Variants in ARHGEF3 observed in about 807,000 individuals in gnomAD.
The protein encoded by ARHGEF3 is Rho guanine nucleotide exchange factor 3.
A neutral mutation model predicts 63.2 loss-of-function variants in ARHGEF3; 28 were observed. The observed-to-expected ratio is 0.44, with a 90% CI of 0.33 to 0.61. The LOEUF (loss-of-function observed/expected upper bound fraction) is 0.61. Ranked by LOEUF, ARHGEF3 falls within the 20% of genes least tolerant of loss-of-function variation. The pLI is 0.03. For synonymous variants in ARHGEF3, 266 were observed against 254.2 expected (o/e 1.05, Z -0.44); for missense variants, 533 against 659.3 (o/e 0.81, Z 2.10).
chr3:56,897,946 T>C (rs1030008280), intron 3 of ARHGEF3, among the ~76,000 whole-genome samples: 2 of 152,070 alleles, frequency 1.3e-5, no homozygotes, highest in Non-Finnish European at 2.9e-5. Flanking sequence ...AGTGGTGGCA[T>C]CATAGCTCAC....
chr3:57,056,922 C>T (rs1397222701), intron 1 of ARHGEF3, among the ~76,000 whole-genome samples: 6 of 152,028 alleles, frequency 3.9e-5, no homozygotes, highest in African/African-American at 1.4e-4. Flanking sequence ...TGGCCTTGAC[C>T]ATGCAGGTCT....
At chr3:56,847,054 G>A (rs922246880) in intron 4 of ARHGEF3, among the ~76,000 whole-genome samples, 1 of 152,208 alleles carries the variant, frequency 6.6e-6, no homozygotes, top group Non-Finnish European at 1.5e-5. Flanking sequence ...CAGAGGCTCA[G>A]AGAGGTTTAA....
intron 4 of ARHGEF3, among the ~76,000 whole-genome samples, chr3:56,829,101 T>C (rs1578621953): frequency 6.6e-6 from 1 of 152,072 alleles, no homozygotes; most frequent in African/African-American, 2.4e-5. Context: ...AAGTTTTGTA[T>C]TTTTAGTAAA....
chr3:56,772,177 T>G lies in ARHGEF3; in HGVS notation c.204+1532A>C, dbSNP rs573999242. 2.6e-5 allele frequency among the ~76,000 whole-genome samples: 4 copies of G among 152,148 alleles called. No homozygotes were observed. The East Asian group carries it at 7.7e-4, about 29-fold the overall frequency. ...GCTGAGAGAAACAGACCCAAACCTA[T>G]AGCTAATTACGTGAGGTATTCATTC... On this transcript the variant is annotated intron_variant, in intron 2 of 9. Transcript: ENST00000296315.
At position 56,745,544 on chromosome 3, in the gene ARHGEF3, G is replaced by A. The variant is rs1283722059; in HGVS notation, c.613-82C>T. 4 of 1,487,840 alleles carry A rather than the reference G, an allele frequency of 2.7e-6. No individual in the cohort carries two copies. The African/African-American group carries it at 5.6e-5, about 21-fold the overall frequency. The allele number at this position is 1,487,840 out of a possible 1,614,324, so 92.2% of individuals were successfully genotyped here. Reference sequence around the variant, plus strand: ...TACGGTGGCATCATTTATTGGGACTGAACAAACACCTAACTGGTCTCTGGG... The same window carrying A: ...TACGGTGGCATCATTTATTGGGACTAAACAAACACCTAACTGGTCTCTGGG... On this transcript the variant is annotated intron_variant, in intron 6 of 9. Coordinates refer to ENST00000296315, the MANE Select transcript of ARHGEF3 (RefSeq NM_019555.3).
intron 2 of ARHGEF3, among the ~76,000 whole-genome samples, chr3:57,025,034 G>A (rs565312607): frequency 6.6e-6 from 1 of 152,300 alleles, no homozygotes; most frequent in South Asian, 2.1e-4. Flanking sequence ...GGAACTGGAG[G>A]ACCAAGGTAA....
At chr3:56,985,368 C>T (rs959143239) in intron 2 of ARHGEF3, among the ~76,000 whole-genome samples, 3 of 152,244 alleles carry the variant, frequency 2.0e-5, no homozygotes, top group South Asian at 4.1e-4. Flanking sequence ...GGATTGCAGG[C>T]GTGAGCCACC....
At chr3:56,967,065 G>T (rs1352756989) in intron 2 of ARHGEF3, among the ~76,000 whole-genome samples, 1 of 148,412 alleles carries the variant, frequency 6.7e-6, no homozygotes, top group East Asian at 2.0e-4. Context: ...ATTTCTCCAT[G>T]TTGGTCAGGT....
chr3:56,952,640 T>C (rs1193078595), intron 3 of ARHGEF3, among the ~76,000 whole-genome samples: 2 of 152,210 alleles, frequency 1.3e-5, no homozygotes, highest in African/African-American at 2.4e-5. Context: ...AAGTAATATA[T>C]GCGTAAAATG....
chr3:56,876,708 A>C (rs1201587586), intron 4 of ARHGEF3, among the ~76,000 whole-genome samples: 1 of 152,118 alleles, frequency 6.6e-6, no homozygotes. Flanking sequence ...GAAGAATGTG[A>C]ATCCCAATCC....
At chr3:56,778,712 T>A (rs932730047) in intron 1 of ARHGEF3, among the ~76,000 whole-genome samples, 3 of 152,134 alleles carry the variant, frequency 2.0e-5, no homozygotes, top group African/African-American at 7.2e-5. Context: ...TTTTAAAAAT[T>A]TTTTTAGAGA....
At chr3:56,810,107 T>G (rs2038012236) in intron 4 of ARHGEF3, among the ~76,000 whole-genome samples, 1 of 152,188 alleles carries the variant, frequency 6.6e-6, no homozygotes, top group Non-Finnish European at 1.5e-5. Flanking sequence ...GTAACCATTA[T>G]TCAGAGAAAT....
At chr3:57,006,722 A>G (rs1475802640) in intron 2 of ARHGEF3, among the ~76,000 whole-genome samples, 1 of 152,130 alleles carries the variant, frequency 6.6e-6, no homozygotes, top group Non-Finnish European at 1.5e-5. Context: ...CACTCGTTCA[A>G]TGTGCTGCCT....
At chr3:57,078,163 G>A (rs1030992065) in intron 1 of ARHGEF3, among the ~76,000 whole-genome samples, 1 of 152,184 alleles carries the variant, frequency 6.6e-6, no homozygotes, top group African/African-American at 2.4e-5. Flanking sequence ...TGAGAAAACT[G>A]AGGCATAGGT....
intron 3 of ARHGEF3, among the ~76,000 whole-genome samples, chr3:56,889,924 T>A (rs2041058183): frequency 6.6e-6 from 1 of 151,950 alleles, no homozygotes; most frequent in East Asian, 1.9e-4. Flanking sequence ...TAGCTGAGCG[T>A]GGTAGCGTGC....
At chr3:57,078,874 G>C (rs551849628) in intron 1 of ARHGEF3, 1 of 207,476 alleles carries the variant, frequency 4.8e-6, no homozygotes, top group African/African-American at 2.3e-5. Context: ...AGTGGCTCCG[G>C]GAATTTTCGC....
intron 3 of ARHGEF3, among the ~76,000 whole-genome samples, chr3:56,951,045 G>A (rs565013663): frequency 1.3e-5 from 2 of 151,466 alleles, no homozygotes; most frequent in Non-Finnish European, 1.5e-5. Flanking sequence ...AACCAAACAC[G>A]GCATGTTCTC....
intron 2 of ARHGEF3, among the ~76,000 whole-genome samples, chr3:56,968,649 T>C (rs1700773838): frequency 6.6e-6 from 1 of 151,420 alleles, no homozygotes; most frequent in African/African-American, 2.4e-5. Context: ...ATTTTAAAAG[T>C]AAAAAGGAAT....
intron 4 of ARHGEF3, among the ~76,000 whole-genome samples, chr3:56,869,433 G>C (rs1238473331): frequency 6.6e-6 from 1 of 152,200 alleles, no homozygotes; most frequent in Non-Finnish European, 1.5e-5. Context: ...CAGCAGGGTA[G>C]AGGAAGACAC....
Sources: gnomAD v4.1 joint callset for allele counts (sites outside exome capture counted in the v4.1 genomes callset) on GRCh38, gnomAD v4.1.1 for gene constraint, MANE v1.5 for transcripts, NCBI Gene and HGNC (gene_info 2026-07-23, HGNC 2026-07-21) for gene names.